The following RNF182 variants were observed in gnomAD, a reference collection of about 807,000 sequenced individuals.
RNF182 encodes the protein ring finger protein 182.
Under a neutral mutation model 14.4 loss-of-function variants are expected in RNF182, and 15 were observed. The ratio of observed to expected loss-of-function variants is 1.04; its 90% confidence interval spans 0.70 to 1.60. The LOEUF is 1.60. Among genes scored for constraint, RNF182 ranks in the 40% most tolerant of loss-of-function variants. The pLI, the probability that RNF182 is intolerant of heterozygous loss-of-function variation, is 0.00. For missense variants in RNF182, 268 were observed against 294.8 expected (o/e 0.91, Z 0.67); for synonymous variants, 128 against 122.9 (o/e 1.04, Z -0.27).
At chr6:13,946,917 CT>C (rs1395038846) in intron 1 of RNF182, among the ~76,000 whole-genome samples, 2 of 152,142 alleles carry the variant, frequency 1.3e-5, no homozygotes, top group Non-Finnish European at 2.9e-5. Flanking sequence ...ATTCAAAACT[CT>C]GAGTCCTGAT....
At chr6:13,955,423 A>G (rs1428956050) in intron 1 of RNF182, among the ~76,000 whole-genome samples, 2 of 152,248 alleles carry the variant, frequency 1.3e-5, no homozygotes, top group African/African-American at 4.8e-5. Context: ...AAGGCAGAAT[A>G]AATTCTTGTG....
intron 1 of RNF182, among the ~76,000 whole-genome samples, chr6:13,956,483 C>G (rs889049554): frequency 6.6e-6 from 1 of 152,048 alleles, no homozygotes; most frequent in African/African-American, 2.4e-5. Context: ...TGCCACCACA[C>G]CCAGCTAATT....
At chr6:13,968,786 TTA>T (rs1760102060) in intron 1 of RNF182, among the ~76,000 whole-genome samples, 2 of 152,186 alleles carry the variant, frequency 1.3e-5, no homozygotes, top group South Asian at 2.1e-4. Context: ...GTAAATGTGT[TTA>T]TGTGTACATG....
chr6:13,964,676 C>G (rs977884150), intron 1 of RNF182, among the ~76,000 whole-genome samples: 1 of 152,008 alleles, frequency 6.6e-6, no homozygotes, highest in East Asian at 1.9e-4. Context: ...TTGGCTGGTA[C>G]CGAGGGCTGG....
chr6:13,949,230 G>A (rs1585037207), intron 1 of RNF182: 6 of 793,084 alleles, frequency 7.6e-6, no homozygotes, highest in East Asian at 4.9e-5. Context: ...TCCACTGGAC[G>A]TTTTAGTCAT....
chr6:13,963,500 CT>C (rs1182582432), intron 1 of RNF182, among the ~76,000 whole-genome samples: 3 of 152,300 alleles, frequency 2.0e-5, no homozygotes, highest in African/African-American at 7.2e-5. Context: ...CATTCTTCAG[CT>C]GTTCTTTCAT....
intron 1 of RNF182, among the ~76,000 whole-genome samples, chr6:13,956,325 T>C (rs1264896200): frequency 6.6e-6 from 1 of 151,652 alleles, no homozygotes; most frequent in East Asian, 1.9e-4. Flanking sequence ...TTTTTTTTTT[T>C]CCTTTTTTGT....
At chr6:13,975,048 G>A (rs914024556) in intron 2 of RNF182, among the ~76,000 whole-genome samples, 1 of 152,218 alleles carries the variant, frequency 6.6e-6, no homozygotes, top group Non-Finnish European at 1.5e-5. Context: ...GCTACCAGGG[G>A]TACTGTTGTA....
intron 2 of RNF182, among the ~76,000 whole-genome samples, chr6:13,974,726 C>T (rs972721748): frequency 1.7e-4 from 26 of 152,258 alleles, no homozygotes; most frequent in African/African-American, 5.8e-4. Context: ...TATTCATAAA[C>T]ACTCACATGT....
In RNF182 at chr6:13,924,976, G is replaced by T. The variant is rs936676706; in HGVS notation, c.-414G>T. 4.0e-5 allele frequency: 1 copy of T among 25,090 alleles called. No homozygotes were observed. Among genetic ancestry groups the T allele is most frequent in the African/African-American group, 1.4e-4 (1 of 7,220 alleles). The allele number at this position is 25,090 out of a possible 1,614,324, so 1.6% of individuals were successfully genotyped here. The stretch of plus-strand genomic sequence containing the variant: ...CGGGAACCTCCCTCCCCTCCCAGGC[G>T]CCGCCGCAGCCGGAGCGGCTCCCGG... On this transcript the variant is annotated 5_prime_UTR_variant, in exon 1 of 3. Transcript: ENST00000488300.
chr6:13,955,795 G>T (rs1360469807), intron 1 of RNF182, among the ~76,000 whole-genome samples: 3 of 152,132 alleles, frequency 2.0e-5, no homozygotes, highest in African/African-American at 7.2e-5. Context: ...GCTCACACCT[G>T]TAATTGCAGC....
chr6:13,969,606 T>C (rs1195258461), intron 1 of RNF182, among the ~76,000 whole-genome samples: 1 of 152,226 alleles, frequency 6.6e-6, no homozygotes, highest in Non-Finnish European at 1.5e-5. Context: ...CTTTAAAATA[T>C]AAGCCAAGTT....
At chr6:13,934,380 GT>G (rs1759052625) in intron 1 of RNF182, among the ~76,000 whole-genome samples, 1 of 152,192 alleles carries the variant, frequency 6.6e-6, no homozygotes, top group Admixed American at 6.5e-5. Flanking sequence ...CTTTCATTCT[GT>G]TGGATTCTTC....
intron 1 of RNF182, among the ~76,000 whole-genome samples, chr6:13,938,771 G>A (rs1321902465): frequency 6.6e-6 from 1 of 152,080 alleles, no homozygotes. Context: ...GTGAATCTCT[G>A]TCTGGATTCT....
At chr6:13,950,821 G>C (rs1484745289) in intron 1 of RNF182, among the ~76,000 whole-genome samples, 1 of 151,438 alleles carries the variant, frequency 6.6e-6, no homozygotes, top group Non-Finnish European at 1.5e-5. Flanking sequence ...TTTTGAGATA[G>C]AGTCTTGTTC....
At chr6:13,931,379 C>A (rs538244648) in intron 1 of RNF182, among the ~76,000 whole-genome samples, 19 of 152,140 alleles carry the variant, frequency 1.2e-4, no homozygotes, top group Non-Finnish European at 2.4e-4. Context: ...AGGGTCAGAG[C>A]AACATGCTTT....
At chr6:13,944,933 A>G (rs962546673) in intron 1 of RNF182, among the ~76,000 whole-genome samples, 2 of 151,758 alleles carry the variant, frequency 1.3e-5, no homozygotes, top group African/African-American at 4.8e-5. Flanking sequence ...AATAACAGTT[A>G]AGATTGCTAA....
At position 13,980,200 on chromosome 6, in the gene RNF182, T is replaced by TA. The variant is rs1439530708; in HGVS notation, c.*2337_*2338insA. On this transcript the variant is annotated 3_prime_UTR_variant, in exon 3 of 3. Transcript: ENST00000488300. ...CACACTTTTAAAAGGCCTTCATAGT[T>TA]TTTTTATTTTATTTTATTTTATTTT... is the stretch of plus-strand genomic sequence containing the variant. 2 of 139,968 alleles carry TA rather than the reference T, an allele frequency of 1.4e-5. No individual in the cohort carries two copies. Among genetic ancestry groups the TA allele is most frequent in the Non-Finnish European group, 1.5e-5 (1 of 65,174 alleles). 8.7% of individuals were successfully genotyped at this position (139,968 alleles called of 1,614,324 possible).
intron 1 of RNF182, among the ~76,000 whole-genome samples, chr6:13,947,729 T>C (rs1335611902): frequency 6.6e-6 from 1 of 152,178 alleles, no homozygotes; most frequent in Non-Finnish European, 1.5e-5. Flanking sequence ...AGATATGAGG[T>C]CAGTTTTCTT....
Sources: gnomAD v4.1 joint callset for allele counts (sites outside exome capture counted in the v4.1 genomes callset) on GRCh38, gnomAD v4.1.1 for gene constraint, MANE v1.5 for transcripts, NCBI Gene and HGNC (gene_info 2026-07-23, HGNC 2026-07-21) for gene names.